The following RNF13 variants were observed in gnomAD, a reference collection of about 807,000 sequenced individuals.
RNF13 encodes ring finger protein 13.
RNF13 carries 19 observed loss-of-function variants against 37.7 expected under a neutral mutation model. The observed-to-expected ratio is 0.50, with a 90% CI of 0.35 to 0.74. The LOEUF (loss-of-function observed/expected upper bound fraction) is 0.74, where lower values mean the gene tolerates loss of function less well. RNF13 is among the 30% of genes least tolerant of loss of function. RNF13 has a pLI of 0.01. For synonymous variants in RNF13, 144 were observed against 157.8 expected (o/e 0.91, Z 0.65); for missense variants, 375 against 453.0 (o/e 0.83, Z 1.56).
chr3:149,864,177 C>T (rs1724561869), intron 3 of RNF13, among the ~76,000 whole-genome samples: 1 of 151,646 alleles, frequency 6.6e-6, no homozygotes, highest in African/African-American at 2.4e-5. Flanking sequence ...GAAGTGGATC[C>T]CTCATGAATG....
intron 3 of RNF13, among the ~76,000 whole-genome samples, chr3:149,862,332 A>AT (rs1724344648): frequency 6.6e-6 from 1 of 152,042 alleles, no homozygotes; most frequent in African/African-American, 2.4e-5. Context: ...ATATTTTACT[A>AT]TTTTTTTGAA....
chr3:149,892,057 A>G (rs1373907794), intron 4 of RNF13, among the ~76,000 whole-genome samples: 1 of 152,226 alleles, frequency 6.6e-6, no homozygotes, highest in Non-Finnish European at 1.5e-5. Flanking sequence ...AAAAACAACA[A>G]CAAAAACCTT....
chr3:149,928,483 G>A (rs1353066336), intron 8 of RNF13, among the ~76,000 whole-genome samples: 1 of 152,066 alleles, frequency 6.6e-6, no homozygotes, highest in African/African-American at 2.4e-5. Flanking sequence ...GGCCATAGAT[G>A]TATGGTTTTA....
chr3:149,926,991 T>A (rs1321603310), intron 8 of RNF13, among the ~76,000 whole-genome samples: 1 of 152,246 alleles, frequency 6.6e-6, no homozygotes, highest in Non-Finnish European at 1.5e-5. Context: ...GTGATTGTAT[T>A]TTTTATTGTA....
chr3:149,896,390 T>G (rs140076545), intron 5 of RNF13, among the ~76,000 whole-genome samples: 27 of 152,314 alleles, frequency 1.8e-4, no homozygotes, highest in Non-Finnish European at 3.5e-4. Context: ...AACTGCATCC[T>G]GAAAAGGAAA....
At chr3:149,815,977 C>T (rs1194503625) in intron 1 of RNF13, among the ~76,000 whole-genome samples, 6 of 151,942 alleles carry the variant, frequency 3.9e-5, no homozygotes, top group African/African-American at 1.2e-4. Context: ...ACTGCACCCT[C>T]GACCTCCCGT....
intron 3 of RNF13, 82 bp from the exon 4 acceptor site, chr3:149,871,947 A>G: frequency 7.8e-7 from 1 of 1,280,260 alleles, no homozygotes; most frequent in Non-Finnish European, 1.1e-6. Flanking sequence ...AACACATGAC[A>G]AATCGAAAAG....
At chr3:149,891,342 C>G (rs1388384830) in intron 4 of RNF13, among the ~76,000 whole-genome samples, 1 of 152,170 alleles carries the variant, frequency 6.6e-6, no homozygotes, top group Non-Finnish European at 1.5e-5. Context: ...ATAATCATCT[C>G]TATTATAAGG....
intron 8 of RNF13, chr3:149,939,410 CCT>C: frequency 1.9e-6 from 1 of 525,590 alleles, no homozygotes; most frequent in Non-Finnish European, 3.7e-6. Context: ...TTCACATACT[CCT>C]CTTCTTCATC....
At chr3:149,867,114 A>C (rs1167492503) in intron 3 of RNF13, among the ~76,000 whole-genome samples, 3 of 152,074 alleles carry the variant, frequency 2.0e-5, no homozygotes, top group African/African-American at 4.8e-5. Flanking sequence ...GTTCCCTACT[A>C]TTATTGTATT....
At chr3:149,884,714 G>A (rs183725242) in intron 4 of RNF13, among the ~76,000 whole-genome samples, 21 of 152,130 alleles carry the variant, frequency 1.4e-4, no homozygotes, top group Middle Eastern at 3.4e-3. Context: ...AGAAAATGGA[G>A]TATCTATGAC....
At chr3:149,947,057 T>C (rs1720834725) in intron 8 of RNF13, among the ~76,000 whole-genome samples, 1 of 152,204 alleles carries the variant, frequency 6.6e-6, no homozygotes, top group Non-Finnish European at 1.5e-5. Flanking sequence ...TTCCTATACA[T>C]TTGTGGATTT....
Position 149,961,662 on chromosome 3 carries a change from T to C in RNF13, c.*558T>C, listed in dbSNP as rs1441133478. 3 of 234,788 alleles carry C rather than the reference T, an allele frequency of 1.3e-5. No homozygotes were observed. The highest frequency in any genetic ancestry group is 2.6e-5 in the Non-Finnish European group (3 of 117,596). 14.5% of individuals were successfully genotyped at this position (234,788 alleles called of 1,614,324 possible). The stretch of plus-strand genomic sequence containing the variant: ...CAGTCTTATCCTGACAGGAGCGGTC[T>C]ATACTAGTGCAGATTTCAACACTTT... On this transcript the variant is annotated 3_prime_UTR_variant, in exon 10 of 10. Coordinates refer to ENST00000392894, the MANE Select transcript of RNF13 (RefSeq NM_183381.3).
intron 1 of RNF13, among the ~76,000 whole-genome samples, chr3:149,825,388 T>A (rs1047561305): frequency 3.3e-5 from 5 of 152,172 alleles, no homozygotes; most frequent in African/African-American, 4.8e-5. Context: ...GGTCTCAAAC[T>A]CCTGACCTCA....
chr3:149,883,827 A>AT (rs1274845432), intron 4 of RNF13, among the ~76,000 whole-genome samples: 4 of 152,012 alleles, frequency 2.6e-5, no homozygotes, highest in Non-Finnish European at 5.9e-5. Flanking sequence ...CCCAGCATCC[A>AT]TTAGCTATTC....
intron 7 of RNF13, among the ~76,000 whole-genome samples, chr3:149,912,648 A>T (rs1203298035): frequency 2.0e-5 from 3 of 152,160 alleles, no homozygotes; most frequent in Admixed American, 6.5e-5. Flanking sequence ...CCAGGTGGAT[A>T]TATGGGTATT....
At chr3:149,859,720 T>C (rs1375817338) in intron 3 of RNF13, among the ~76,000 whole-genome samples, 1 of 152,160 alleles carries the variant, frequency 6.6e-6, no homozygotes, top group Non-Finnish European at 1.5e-5. Context: ...TGCTCACCAT[T>C]AAAATTAAGA....
intron 3 of RNF13, among the ~76,000 whole-genome samples, chr3:149,870,176 G>A (rs1053100593): frequency 1.3e-5 from 2 of 151,738 alleles, no homozygotes; most frequent in Non-Finnish European, 2.9e-5. Flanking sequence ...GGTTAAGGAA[G>A]GGACAAATCT....
intron 8 of RNF13, among the ~76,000 whole-genome samples, chr3:149,934,500 T>G (rs1719485173): frequency 6.6e-6 from 1 of 152,172 alleles, no homozygotes; most frequent in Admixed American, 6.5e-5. Context: ...TCCTACTTAG[T>G]ATTGCTTTTG....
Sources: gnomAD v4.1 joint callset for allele counts (sites outside exome capture counted in the v4.1 genomes callset) on GRCh38, gnomAD v4.1.1 for gene constraint, MANE v1.5 for transcripts, NCBI Gene and HGNC (gene_info 2026-07-23, HGNC 2026-07-21) for gene names.